SH2D4B: variants seen among roughly 807,000 people sequenced by gnomAD.
SH2D4B encodes SH2 domain-containing protein 4B.
SH2D4B carries 45 observed loss-of-function variants against 61.5 expected under a neutral mutation model. The observed-to-expected ratio is 0.73, with a 90% CI of 0.58 to 0.94. The LOEUF (loss-of-function observed/expected upper bound fraction) is 0.94. Ranked by LOEUF, SH2D4B falls within the 40% of genes least tolerant of loss-of-function variation. The pLI, the probability that SH2D4B is intolerant of heterozygous loss-of-function variation, is 0.00. For missense variants in SH2D4B, 572 were observed against 574.2 expected, an observed-to-expected ratio of 1.00 and a Z score of 0.04; for synonymous variants, 224 against 220.4, an observed-to-expected ratio of 1.02 and a Z score of -0.14.
At chr10:80,587,096 T>G (rs999841981) in intron 3 of SH2D4B, among the ~76,000 whole-genome samples, 6 of 148,616 alleles carry the variant, frequency 4.0e-5, no homozygotes, top group African/African-American at 1.2e-4. Context: ...ATTCTTGAAG[T>G]CAGTGAGACC....
intron 1 of SH2D4B, among the ~76,000 whole-genome samples, chr10:80,567,226 C>T (rs1483672026): frequency 1.3e-5 from 2 of 152,172 alleles, no homozygotes; most frequent in African/African-American, 2.4e-5. Context: ...GCACAAATCC[C>T]TTCCCTGACA....
chr10:80,579,449 G>A (rs769249115), intron 3 of SH2D4B, among the ~76,000 whole-genome samples: 10 of 152,060 alleles, frequency 6.6e-5, no homozygotes, highest in East Asian at 1.9e-4. Context: ...TATTTCCCCC[G>A]TGCTTTCTTA....
rs948381344 is a variant in SH2D4B at position 80,634,191 on chromosome 10, G to A, written c.989-94G>A. ...ACTGTGTGGATGGCATGTGCACTGA[G>A]CCACAGGGTGAGGGGCAGGGAGGAG... is the stretch of plus-strand genomic sequence containing the variant. On this transcript the variant is annotated intron_variant, in intron 6 of 7. Coordinates refer to ENST00000646907, the MANE Select transcript of SH2D4B (RefSeq NM_001388272.1). The A allele has an allele frequency of 3.4e-5, 49 of 1,441,788 alleles. No individual in the cohort carries two copies. In the African/African-American group the frequency reaches 4.4e-4, roughly 13 times the overall value. The allele number at this position is 1,441,788 out of a possible 1,614,324, so 89.3% of individuals were successfully genotyped here. A position where few individuals can be genotyped will look rare whatever the true frequency, so the allele number is the denominator to read the frequency against.
chr10:80,564,029 T>G (rs1841938341), intron 1 of SH2D4B, among the ~76,000 whole-genome samples: 1 of 152,256 alleles, frequency 6.6e-6, no homozygotes, highest in Non-Finnish European at 1.5e-5. Context: ...TTATTATTAC[T>G]TTTATTAATA....
intron 1 of SH2D4B, 120 bp from the exon 2 acceptor site, chr10:80,570,034 T>G (rs556538354): frequency 3.4e-5 from 43 of 1,262,846 alleles, no homozygotes; most frequent in Middle Eastern, 2.0e-4. Context: ...TCTGGCATTC[T>G]TTTTGTGGAT....
At chr10:80,611,190 A>C (rs1261117864) in intron 6 of SH2D4B, among the ~76,000 whole-genome samples, 7 of 151,052 alleles carry the variant, frequency 4.6e-5, no homozygotes, top group East Asian at 1.9e-4. Flanking sequence ...AAAAAAAAAA[A>C]AAAAAAAAAA....
At chr10:80,540,658 G>A (rs114676111) in intron 1 of SH2D4B, among the ~76,000 whole-genome samples, 2 of 152,172 alleles carry the variant, frequency 1.3e-5, no homozygotes, top group African/African-American at 4.8e-5. Context: ...CAAGTGAGCT[G>A]TGCACACATT....
At chr10:80,626,486 G>A (rs570594475) in intron 6 of SH2D4B, among the ~76,000 whole-genome samples, 1 of 152,234 alleles carries the variant, frequency 6.6e-6, no homozygotes, top group South Asian at 2.1e-4. Flanking sequence ...TTAAAATATT[G>A]CCTCCTCTCC....
intron 7 of SH2D4B, 66 bp downstream of exon 7, chr10:80,634,571 G>A: frequency 6.6e-7 from 1 of 1,526,700 alleles, no homozygotes; most frequent in Non-Finnish European, 8.8e-7. Context: ...TGAAGAGAGA[G>A]CTAGAGCAAG....
intron 3 of SH2D4B, among the ~76,000 whole-genome samples, chr10:80,579,300 A>G (rs1188952864): frequency 6.6e-6 from 1 of 152,098 alleles, no homozygotes; most frequent in African/African-American, 2.4e-5. Flanking sequence ...TACAGAGGGA[A>G]CTCTGAAGAT....
At chr10:80,588,403 T>C (rs1842284390) in intron 3 of SH2D4B, among the ~76,000 whole-genome samples, 2 of 152,150 alleles carry the variant, frequency 1.3e-5, no homozygotes, top group Non-Finnish European at 2.9e-5. Context: ...AAAACAAATA[T>C]AAGTTTCAAG....
intron 4 of SH2D4B, among the ~76,000 whole-genome samples, chr10:80,591,964 C>T (rs1439320236): frequency 6.6e-6 from 1 of 152,244 alleles, no homozygotes; most frequent in Non-Finnish European, 1.5e-5. Context: ...AACTGCCACA[C>T]TGTCTTCCAA....
chr10:80,553,728 T>A (rs895038956), intron 1 of SH2D4B, among the ~76,000 whole-genome samples: 1 of 152,190 alleles, frequency 6.6e-6, no homozygotes, highest in Non-Finnish European at 1.5e-5. Context: ...ATGTCTGTGT[T>A]GCTCATACAC....
Position 80,570,277 on chromosome 10 carries a change from G to A in SH2D4B, c.308G>A (p.Arg103Lys). 1 of 1,613,776 alleles carries A rather than the reference G, an allele frequency of 6.2e-7. No homozygotes were observed. ...EEISEELIAE[R>K]ARLQAQREAE... is the part of the protein sequence containing the mutation. ...ATCTCTGAGGAGCTGATTGCAGAGA[G>A]GGCGCGGCTGCAGGCACAGAGGGAA... is the stretch of plus-strand genomic sequence containing the variant. Residue 103 changes from arginine (R) to lysine (K), a missense_variant, in exon 2 of 8, where the codon AGG becomes AAG. By Grantham distance (26) the Arg-to-Lys change is conservative. Coordinates refer to ENST00000646907, the MANE Select transcript of SH2D4B (RefSeq NM_001388272.1).
chr10:80,565,531 G>A (rs1053877836), intron 1 of SH2D4B, among the ~76,000 whole-genome samples: 3 of 151,996 alleles, frequency 2.0e-5, no homozygotes, highest in African/African-American at 7.3e-5. Context: ...TGCTAGCTGG[G>A]ACTAGAGGCA....
At chr10:80,630,760 G>A (rs1237248511) in intron 6 of SH2D4B, among the ~76,000 whole-genome samples, 2 of 152,298 alleles carry the variant, frequency 1.3e-5, no homozygotes, top group Non-Finnish European at 2.9e-5. Context: ...TTTCAATGAG[G>A]AGTCAGGGTC....
At position 80,557,962 on chromosome 10, in the gene SH2D4B, A is replaced by G. The variant is rs564310756; in HGVS notation, c.185-12192A>G. Among the ~76,000 whole-genome samples the G allele has an allele frequency of 1.2e-4, 18 of 152,272 alleles. No homozygotes were observed. The South Asian group carries it at 3.7e-3, about 32-fold the overall frequency. ...ATTTGAAACATTCCTTTCTAATATA[A>G]GCATTTGATGCTATAAATGTCTTTC... On this transcript the variant is annotated intron_variant, in intron 1 of 7. Coordinates refer to ENST00000646907, the MANE Select transcript of SH2D4B (RefSeq NM_001388272.1).
chr10:80,602,405 G>A (rs1483859770), intron 4 of SH2D4B, among the ~76,000 whole-genome samples: 2 of 152,232 alleles, frequency 1.3e-5, no homozygotes, highest in African/African-American at 2.4e-5. Context: ...TGAGGTTGCA[G>A]TGAGCTGTGA....
At chr10:80,634,058 C>T (rs1842864736) in intron 6 of SH2D4B, among the ~76,000 whole-genome samples, 1 of 152,236 alleles carries the variant, frequency 6.6e-6, no homozygotes, top group Non-Finnish European at 1.5e-5. Context: ...CTAGTAGAAA[C>T]TCTGCCCCCA....
Sources: gnomAD v4.1 joint callset for allele counts (sites outside exome capture counted in the v4.1 genomes callset) on GRCh38, gnomAD v4.1.1 for gene constraint, MANE v1.5 for transcripts, NCBI Gene and HGNC (gene_info 2026-07-23, HGNC 2026-07-21) for gene names.